Variants in TP73 observed in about 807,000 individuals in gnomAD.
TP73 encodes tumor protein p73, also known as p53-like transcription factor.
Under a neutral mutation model 62.5 loss-of-function variants are expected in TP73, and 25 were observed. The ratio of observed to expected loss-of-function variants is 0.40; its 90% CI spans 0.29 to 0.56. TP73 has a LOEUF of 0.56. Ranked by LOEUF, TP73 falls within the 20% of genes least tolerant of loss-of-function variation. TP73 has a pLI of 0.46. For synonymous variants in TP73, 423 were observed against 377.5 expected, an observed-to-expected ratio of 1.12 and a Z score of -1.40; for missense variants, 754 against 913.3, an observed-to-expected ratio of 0.83 and a Z score of 2.25.
chr1:3,690,543 C>T (rs376915272), intron 3 of TP73: 38 of 961,714 alleles, frequency 4.0e-5, no homozygotes, highest in Admixed American at 1.4e-4. Flanking sequence ...CGGCGCTGAC[C>T]GGCGTCCCCG....
intron 4 of TP73, among the ~76,000 whole-genome samples, chr1:3,720,790 G>T: frequency 6.6e-6 from 1 of 152,254 alleles, no homozygotes; most frequent in South Asian, 2.1e-4. Context: ...GGGTCAGGGG[G>T]TCAGGGCCCC....
intron 6 of TP73, among the ~76,000 whole-genome samples, chr1:3,723,706 T>C (rs1641286231): frequency 6.6e-6 from 1 of 152,222 alleles, no homozygotes; most frequent in South Asian, 2.1e-4. Context: ...TCGGGCACTC[T>C]CGGGGCCTCA....
rs771436371 is a variant in TP73 at position 3,729,667 on chromosome 1, CTGCCACTGAGGGGCCT to C, written c.1196+222_1196+237del. On this transcript the variant is annotated intron_variant, in intron 10 of 13. Transcript: ENST00000378295. ...CTGGGTCATGGCCCTTGCTATGCCTCTGCCACTGAGGGGCCTTGTAAATGTCTGCTGAGTGGAAAGG... is the reference window on the plus strand; with the variant it reads ...CTGGGTCATGGCCCTTGCTATGCCTCTGTAAATGTCTGCTGAGTGGAAAGG... 1.9e-5 allele frequency: 17 copies of C among 879,350 alleles called. No homozygotes were observed. The East Asian group carries it at 4.3e-4, about 22-fold the overall frequency. 54.5% of individuals were successfully genotyped at this position (879,350 alleles called of 1,614,324 possible). A position where few individuals can be genotyped will look rare whatever the true frequency, so the allele number is the denominator to read the frequency against.
At chr1:3,687,081 C>G (rs902303883) in intron 3 of TP73, among the ~76,000 whole-genome samples, 2 of 152,216 alleles carry the variant, frequency 1.3e-5, no homozygotes, top group African/African-American at 4.8e-5. Flanking sequence ...TTGCCTGGCA[C>G]AGTTCCTGCC....
At position 3,718,052 on chromosome 1, in the gene TP73, G is replaced by C. The variant is rs371490740; in HGVS notation, c.430-3969G>C. 7.0e-4 allele frequency among the ~76,000 whole-genome samples: 106 copies of C among 152,302 alleles called. 2 individuals carry two copies. In the South Asian group the frequency reaches 0.021, roughly 30 times the overall value. ...CAGGGGCCTCCTTGCTCTCCACCCT[G>C]AGGCCTGGGCCTCCCTCCGCCACTG... is the stretch of plus-strand genomic sequence containing the variant. On this transcript the variant is annotated intron_variant, in intron 4 of 13. Coordinates refer to ENST00000378295, the MANE Select transcript of TP73 (RefSeq NM_005427.4).
chr1:3,715,359 G>C (rs948246236), intron 4 of TP73, among the ~76,000 whole-genome samples: 4 of 152,134 alleles, frequency 2.6e-5, no homozygotes, highest in African/African-American at 9.7e-5. Flanking sequence ...CGTCTTCCTG[G>C]AACCCAGGGG....
rs1327380113 is a variant in TP73 at position 3,699,534 on chromosome 1, G to A, written c.187-8015G>A. ...TGAGCCCTCAGGAGACTCCAGGCAGGCCCCGATGCCAGACTCCAGCCCTCA... is the reference window on the plus strand; with the variant it reads ...TGAGCCCTCAGGAGACTCCAGGCAGACCCCGATGCCAGACTCCAGCCCTCA... On this transcript the variant is annotated intron_variant, in intron 3 of 13. Transcript: ENST00000378295. The surrounding 1 kb of genome is among the most constrained non-coding windows in gnomAD (Gnocchi z 4.1). Among the ~76,000 whole-genome samples, 1 of 152,172 alleles carries A rather than the reference G, an allele frequency of 6.6e-6. No homozygotes were observed. The highest frequency in any genetic ancestry group is 1.5e-5 in the Non-Finnish European group (1 of 68,036).
chr1:3,683,189 G>T lies in TP73; in HGVS notation c.186+9G>T. ...TGACTACATCTGTCATGGTGAGTGG[G>T]GGGGCTGCCCTCTGCAAGAGGACTG... On this transcript the variant is annotated intron_variant, in intron 3 of 13. Coordinates refer to ENST00000378295, the MANE Select transcript of TP73 (RefSeq NM_005427.4). 6.2e-7 allele frequency: 1 copy of T among 1,601,642 alleles called. No homozygotes were observed. The highest frequency in any genetic ancestry group is 8.5e-7 in the Non-Finnish European group (1 of 1,170,564).
chr1:3,688,246 G>A (rs189532127), intron 3 of TP73, among the ~76,000 whole-genome samples: 144 of 152,238 alleles, frequency 9.5e-4, no homozygotes, highest in Non-Finnish European at 1.4e-3. Context: ...AAGCACTTTG[G>A]GGCTGCACAG....
intron 3 of TP73, among the ~76,000 whole-genome samples, chr1:3,683,410 G>A (rs951449226): frequency 6.6e-6 from 1 of 152,106 alleles, no homozygotes; most frequent in African/African-American, 2.4e-5. Flanking sequence ...GGTGTAGGAA[G>A]GGCTTCAGGC....
intron 2 of TP73, among the ~76,000 whole-genome samples, chr1:3,682,817 G>A (rs1033989028): frequency 1.3e-5 from 2 of 152,232 alleles, no homozygotes; most frequent in African/African-American, 4.8e-5. Flanking sequence ...CAGCTCTGGA[G>A]AGGGCCCATG....
chr1:3,726,239 A>AGGAT (rs1239953719), intron 6 of TP73, among the ~76,000 whole-genome samples: 26 of 76,512 alleles, frequency 3.4e-4, no homozygotes, highest in African/African-American at 1.4e-3. Flanking sequence ...ATGGATGGAT[A>AGGAT]GGATGGATGG....
chr1:3,722,284 CTG>C lies in TP73; in HGVS notation c.616+78_616+79del, dbSNP rs1161523285. The C allele has an allele frequency of 5.2e-6, 8 of 1,543,244 alleles. No individual in the cohort carries two copies. In the African/African-American group the frequency reaches 1.1e-4, roughly 21 times the overall value. ...GACAGCACAGCCGGGGGCTGCCTAA[CTG>C]GGAGAGAGTGGGGCTGACAGCATGG... is the stretch of plus-strand genomic sequence containing the variant. On this transcript the variant is annotated intron_variant, in intron 5 of 13. Transcript: ENST00000378295.
rs1435007666 is a variant in TP73, at chr1:3,727,100, C to A, written c.733-15C>A. On this transcript the variant is annotated splice_polypyrimidine_tract_variant and intron_variant, in intron 6 of 13. Transcript: ENST00000378295. ...GTGCTGATGCTAGCCCCTCTCCCTG[C>A]TCCCCCATGTGCAGGTGGGGACGGA... 8.1e-6 allele frequency: 13 copies of A among 1,606,998 alleles called. No individual in the cohort carries two copies. The highest frequency in any genetic ancestry group is 1.1e-5 in the Non-Finnish European group (13 of 1,175,814).
intron 4 of TP73, among the ~76,000 whole-genome samples, chr1:3,712,954 G>A (rs1407101830): frequency 6.6e-6 from 1 of 152,052 alleles, no homozygotes; most frequent in Non-Finnish European, 1.5e-5. Flanking sequence ...CCCACCCTCT[G>A]CTCCCAGCTC....
intron 1 of TP73, chr1:3,659,347 G>C (rs1476682556): frequency 6.6e-6 from 1 of 152,180 alleles, no homozygotes; most frequent in Non-Finnish European, 1.5e-5. Context: ...CCTCGCACCT[G>C]GGCTTCGTGG....
At chr1:3,723,292 G>T in intron 5 of TP73, 62 bp from the exon 6 acceptor site, 1 of 1,408,850 alleles carries the variant, frequency 7.1e-7, no homozygotes, top group Non-Finnish European at 1.0e-6. Context: ...GCACCTCTCT[G>T]CACCTAGCAC....
chr1:3,721,680 C>T (rs957941440), intron 4 of TP73, among the ~76,000 whole-genome samples: 1 of 152,240 alleles, frequency 6.6e-6, no homozygotes, highest in Non-Finnish European at 1.5e-5. Flanking sequence ...TTCCCGCCCT[C>T]ACTCTCCAGC....
chr1:3,657,514 T>C (rs1644889245), intron 1 of TP73, among the ~76,000 whole-genome samples: 1 of 152,246 alleles, frequency 6.6e-6, no homozygotes, highest in African/African-American at 2.4e-5. Context: ...CATCCCATTC[T>C]GAGGCTCGTT....
Sources: gnomAD v4.1 joint callset for allele counts (sites outside exome capture counted in the v4.1 genomes callset) on GRCh38, gnomAD v4.1.1 for gene constraint, Gnocchi (gnomAD v3.1) non-coding constraint, MANE v1.5 for transcripts, NCBI Gene and HGNC (gene_info 2026-07-23, HGNC 2026-07-21) for gene names.